FAM168B: variants seen among roughly 807,000 people sequenced by gnomAD.
FAM168B encodes the protein family with sequence similarity 168 member B, also known as myelin-associated neurite-outgrowth inhibitor.
Under a neutral mutation model 21.8 loss-of-function variants are expected in FAM168B, and 19 were observed. That is an observed-to-expected ratio of 0.87 (90% CI 0.61 to 1.28). The LOEUF is 1.28. Among genes scored for constraint, FAM168B ranks in the 50% most tolerant of loss-of-function variants. The pLI, the probability that FAM168B is intolerant of heterozygous loss-of-function variation, is 0.00. For synonymous variants in FAM168B, 126 were observed against 104.8 expected, an observed-to-expected ratio of 1.20 and a Z score of -1.24; for missense variants, 233 against 263.1, an observed-to-expected ratio of 0.89 and a Z score of 0.79.
chr2:131,063,845 T>TA (rs1417642856), intron 3 of FAM168B, among the ~76,000 whole-genome samples: 3 of 152,066 alleles, frequency 2.0e-5, no homozygotes, highest in Non-Finnish European at 2.9e-5. Context: ...TAATTAAAAA[T>TA]AGACAGTGTG....
intron 3 of FAM168B, among the ~76,000 whole-genome samples, chr2:131,068,722 A>G (rs1692699166): frequency 6.6e-6 from 1 of 152,222 alleles, no homozygotes; most frequent in African/African-American, 2.4e-5. Context: ...ATGTTCGAGA[A>G]GATGGGTGAC....
At chr2:131,053,044 G>A in intron 5 of FAM168B, 29 bp from the exon 6 acceptor site, 1 of 1,539,914 alleles carries the variant, frequency 6.5e-7, no homozygotes, top group Non-Finnish European at 8.8e-7. Context: ...CATGACATGA[G>A]GCTGACCTCC....
chr2:131,074,039 C>T (rs1026955801), intron 2 of FAM168B, among the ~76,000 whole-genome samples: 1 of 152,324 alleles, frequency 6.6e-6, no homozygotes, highest in East Asian at 1.9e-4. Flanking sequence ...AGGCATCTGC[C>T]CTTTTCGATA....
chr2:131,064,354 G>A lies in FAM168B; in HGVS notation c.154+7501C>T, dbSNP rs1284148665. Among the ~76,000 whole-genome samples the A allele has an allele frequency of 2.0e-5, 3 of 152,164 alleles. No individual in the cohort carries two copies. The East Asian group carries it at 5.8e-4, about 29-fold the overall frequency. On this transcript the variant is annotated intron_variant, in intron 3 of 6. Transcript: ENST00000389915. ...CAGAAGCCTGAAGTACATGTGAGGAGAGAAGATCTGTGCCAAAACACAGCA... is the reference window on the plus strand; with the variant it reads ...CAGAAGCCTGAAGTACATGTGAGGAAAGAAGATCTGTGCCAAAACACAGCA...
At chr2:131,081,824 A>C (rs779640925) in intron 2 of FAM168B, among the ~76,000 whole-genome samples, 1 of 152,180 alleles carries the variant, frequency 6.6e-6, no homozygotes, top group Non-Finnish European at 1.5e-5. Flanking sequence ...TTGACCCCAG[A>C]TATCTCTCTT....
At position 131,052,092 on chromosome 2, in the gene FAM168B, C is replaced by G; in HGVS notation, c.*373G>C. 7.1e-6 allele frequency: 7 copies of G among 985,766 alleles called. No individual in the cohort carries two copies. The highest frequency in any genetic ancestry group is 8.4e-6 in the Non-Finnish European group (7 of 829,932). The allele number at this position is 985,766 out of a possible 1,614,324, so 61.1% of individuals were successfully genotyped here. A position where few individuals can be genotyped will look rare whatever the true frequency, so the allele number is the denominator to read the frequency against. On this transcript the variant is annotated 3_prime_UTR_variant, in exon 7 of 7. Coordinates refer to ENST00000389915, the MANE Select transcript of FAM168B (RefSeq NM_001009993.4). The stretch of plus-strand genomic sequence containing the variant: ...CAAGTTGTAAAATACGTTTCCATTC[C>G]TTTGGATTTTGCATATGATGGTTTT...
intron 3 of FAM168B, among the ~76,000 whole-genome samples, chr2:131,071,246 G>A (rs1463133403): frequency 6.6e-6 from 1 of 152,146 alleles, no homozygotes; most frequent in East Asian, 1.9e-4. Flanking sequence ...CACAGCCTCA[G>A]ATCAGAGTGT....
At chr2:131,066,614 C>CT (rs1692573628) in intron 3 of FAM168B, among the ~76,000 whole-genome samples, 1 of 152,186 alleles carries the variant, frequency 6.6e-6, no homozygotes, top group Non-Finnish European at 1.5e-5. Context: ...ACTTGTGACT[C>CT]TAAGTAGGAC....
In FAM168B at chr2:131,055,342, G is replaced by T. The variant is rs1448356883; in HGVS notation, c.405C>A (p.Pro135=). ...CCCCGTTGCCTCTAGGAGGGGGGAT[G>T]GGAGCAGGGTACACCGTTGCAGGCA... is the stretch of plus-strand genomic sequence containing the variant. ...NGMPATVYPA[P]IPPPRGNGVT... is the part of the protein sequence containing the mutation. Residue 135 remains proline, a synonymous_variant, in exon 5 of 7, where the codon CCC becomes CCA. Transcript: ENST00000389915. 6.3e-7 allele frequency: 1 copy of T among 1,585,088 alleles called. No homozygotes were observed. The highest frequency in any genetic ancestry group is 1.2e-5 in the South Asian group (1 of 86,444).
At position 131,050,720 on chromosome 2, in the gene FAM168B, TC is replaced by T. The variant is rs959027352; in HGVS notation, c.*1744del. On this transcript the variant is annotated 3_prime_UTR_variant, in exon 7 of 7. Coordinates refer to ENST00000389915, the MANE Select transcript of FAM168B (RefSeq NM_001009993.4). Reference sequence around the variant, plus strand: ...TTACCAAAGGCTCAGTGGTCAGGTGTCCCCCCACCAACCAACTGGGGCAGAA... The same window carrying T: ...TTACCAAAGGCTCAGTGGTCAGGTGTCCCCCACCAACCAACTGGGGCAGAA... The T allele has an allele frequency of 3.4e-4, 336 of 985,196 alleles. No individual in the cohort carries two copies. The Middle Eastern group carries it at 4.2e-3, about 12-fold the overall frequency. The allele number at this position is 985,196 out of a possible 1,614,324, so 61.0% of individuals were successfully genotyped here. A position where few individuals can be genotyped will look rare whatever the true frequency, so the allele number is the denominator to read the frequency against.
intron 2 of FAM168B, among the ~76,000 whole-genome samples, chr2:131,074,383 TC>T (rs1693031176): frequency 6.6e-6 from 1 of 152,116 alleles, no homozygotes; most frequent in Non-Finnish European, 1.5e-5. Flanking sequence ...CTCCTCGGCC[TC>T]CCAAAGTGCT....
intron 2 of FAM168B, among the ~76,000 whole-genome samples, chr2:131,073,469 C>A (rs935026247): frequency 2.6e-5 from 4 of 152,160 alleles, no homozygotes; most frequent in South Asian, 2.1e-4. Flanking sequence ...CCAAAGCTCA[C>A]GTTAAAATTT....
Position 131,055,548 on chromosome 2 carries a change from C to T in FAM168B, c.297+5G>A. ...TCCCACACAGCAGTGTGTACCCAAG[C>T]ATACCTGTGCATACGGGCTCTGCTG... On this transcript the variant is annotated splice_donor_5th_base_variant and intron_variant, in intron 4 of 6. Coordinates refer to ENST00000389915, the MANE Select transcript of FAM168B (RefSeq NM_001009993.4). The T allele has an allele frequency of 6.2e-7, 1 of 1,602,318 alleles. No homozygotes were observed. Among genetic ancestry groups the T allele is most frequent in the Non-Finnish European group, 8.5e-7 (1 of 1,175,094 alleles).
At chr2:131,064,806 A>G (rs560841110) in intron 3 of FAM168B, among the ~76,000 whole-genome samples, 1 of 152,260 alleles carries the variant, frequency 6.6e-6, no homozygotes, top group South Asian at 2.1e-4. Flanking sequence ...TCCAGATAAG[A>G]GAGAGGAAGG....
chr2:131,083,923 C>T (rs1227879612), intron 1 of FAM168B, among the ~76,000 whole-genome samples: 1 of 149,308 alleles, frequency 6.7e-6, no homozygotes, highest in Non-Finnish European at 1.5e-5. Context: ...TTTATTTTCC[C>T]AGACGGAGTC....
At chr2:131,059,361 T>C (rs1238197653) in intron 3 of FAM168B, among the ~76,000 whole-genome samples, 2 of 152,132 alleles carry the variant, frequency 1.3e-5, no homozygotes, top group East Asian at 1.9e-4. Flanking sequence ...TCAAGGGTCA[T>C]CTTGGATAGC....
At chr2:131,077,068 CAG>C (rs1693192674) in intron 2 of FAM168B, among the ~76,000 whole-genome samples, 2 of 152,072 alleles carry the variant, frequency 1.3e-5, no homozygotes, top group Non-Finnish European at 2.9e-5. Flanking sequence ...GGAGAATTCC[CAG>C]AGTCACACAA....
rs887516587 is a variant in FAM168B, at chr2:131,075,202, C to G, written c.71-3264G>C. Among the ~76,000 whole-genome samples the G allele has an allele frequency of 5.3e-5, 8 of 151,228 alleles. 1 individual carries two copies. The highest frequency in any genetic ancestry group is 5.3e-4 in the Admixed American group (8 of 15,200). ...AGCCCAATTGTGAGCACAGGAAGAC[C>G]AAGAAAGGTCTGGAACTGCCCTCAG... On this transcript the variant is annotated intron_variant, in intron 2 of 6. Coordinates refer to ENST00000389915, the MANE Select transcript of FAM168B (RefSeq NM_001009993.4).
chr2:131,057,392 A>T (rs967911312), intron 3 of FAM168B, among the ~76,000 whole-genome samples: 1 of 152,220 alleles, frequency 6.6e-6, no homozygotes, highest in East Asian at 1.9e-4. Context: ...CTTTCCAAAG[A>T]AGCTGGAAAC....
Sources: allele counts gnomAD v4.1 joint callset (sites outside exome capture counted in the v4.1 genomes callset), GRCh38; gene constraint gnomAD v4.1.1; transcripts MANE v1.5; gene names NCBI Gene and HGNC (gene_info 2026-07-23, HGNC 2026-07-21).